Variants in CCSER2 observed in about 807,000 individuals in gnomAD.
CCSER2 encodes coiled-coil serine rich protein 2, also known as serine-rich coiled-coil domain-containing protein 2.
In CCSER2, 46 loss-of-function variants were observed where a neutral mutation model predicts 92.3. The observed-to-expected ratio is 0.50, with a 90% CI of 0.39 to 0.64. CCSER2 has a LOEUF of 0.64. CCSER2 is among the 30% of genes least tolerant of loss of function. The pLI, the probability that CCSER2 is intolerant of heterozygous loss-of-function variation, is 0.00. For missense variants in CCSER2, 1,244 were observed against 1,238.9 expected (o/e 1.00, Z -0.06); for synonymous variants, 433 against 431.4 (o/e 1.00, Z -0.04).
At chr10:84,458,173 T>A (rs945995275) in intron 6 of CCSER2, among the ~76,000 whole-genome samples, 1 of 152,230 alleles carries the variant, frequency 6.6e-6, no homozygotes, top group African/African-American at 2.4e-5. Context: ...TTTTATAGTT[T>A]TAAGTTTGAA....
chr10:84,463,567 G>A (rs1846224095), intron 6 of CCSER2, among the ~76,000 whole-genome samples: 1 of 152,142 alleles, frequency 6.6e-6, no homozygotes, highest in African/African-American at 2.4e-5. Flanking sequence ...CTCAAAACAT[G>A]TCTAAACCAA....
At chr10:84,359,229 A>G (rs1360629394) in intron 1 of CCSER2, among the ~76,000 whole-genome samples, 1 of 152,046 alleles carries the variant, frequency 6.6e-6, no homozygotes, top group African/African-American at 2.4e-5. Context: ...AGTATTTTAT[A>G]CAGTTGTGGA....
intron 1 of CCSER2, among the ~76,000 whole-genome samples, chr10:84,350,577 C>T (rs1258609324): frequency 6.6e-6 from 1 of 152,192 alleles, no homozygotes. Flanking sequence ...ATTTAAGAGT[C>T]TGCACTATCT....
chr10:84,433,565 G>A (rs145115826), intron 5 of CCSER2, among the ~76,000 whole-genome samples: 152 of 152,290 alleles, frequency 1.0e-3, no homozygotes, highest in African/African-American at 3.5e-3. Flanking sequence ...AAGAAGTTCT[G>A]TTGGGAGTGG....
At chr10:84,435,252 G>T (rs1308125016) in intron 5 of CCSER2, among the ~76,000 whole-genome samples, 1 of 152,194 alleles carries the variant, frequency 6.6e-6, no homozygotes, top group Non-Finnish European at 1.5e-5. Flanking sequence ...ACCTAAATCT[G>T]AGGTGAGAGG....
At position 84,371,678 on chromosome 10, in the gene CCSER2, G is replaced by A. The variant is rs1655618483; in HGVS notation, c.626G>A (p.Ser209Asn). The A allele has an allele frequency of 1.9e-6, 3 of 1,613,678 alleles. No individual in the cohort carries two copies. Among genetic ancestry groups the A allele is most frequent in the African/African-American group, 1.3e-5 (1 of 74,924 alleles). ...SGESLAQSPD[S>N]SKSINCEKMV... Reference sequence around the variant, plus strand: ...GAAAGCTTAGCTCAATCCCCAGACAGTAGTAAATCTATTAATTGTGAAAAA... The same window carrying A: ...GAAAGCTTAGCTCAATCCCCAGACAATAGTAAATCTATTAATTGTGAAAAA... Residue 209 changes from serine to asparagine, a missense_variant, in exon 2 of 10, where the codon AGT (serine) becomes AAT (asparagine). By Grantham distance (46) the Ser-to-Asn change is conservative. Transcript: ENST00000372088.
At chr10:84,348,602 A>C (rs958288368) in intron 1 of CCSER2, among the ~76,000 whole-genome samples, 2 of 152,146 alleles carry the variant, frequency 1.3e-5, no homozygotes, top group Non-Finnish European at 2.9e-5. Flanking sequence ...TGTCTCCCTG[A>C]TGGGGCCACT....
Position 84,417,803 on chromosome 10 carries a change from T to C in CCSER2, c.1647T>C (p.Leu549=), listed in dbSNP as rs775986661. The C allele has an allele frequency of 8.8e-6, 14 of 1,594,434 alleles. No homozygotes were observed. The highest frequency in any genetic ancestry group is 1.2e-5 in the Non-Finnish European group (14 of 1,162,288). ...DILNNLESCD[L]EDDDLMLDVD... ...TGAATAATCTTGAATCATGTGACCT[T>C]GAGGATGATGATCTTATGCTTGATG... is the stretch of plus-strand genomic sequence containing the variant. The change falls in exon 4 of 10, where the codon CTT becomes CTC. Residue 549 remains leucine, a synonymous_variant. Coordinates refer to ENST00000372088, the MANE Select transcript of CCSER2 (RefSeq NM_001284240.2).
At chr10:84,380,454 G>C (rs1351270617) in intron 3 of CCSER2, among the ~76,000 whole-genome samples, 2 of 151,942 alleles carry the variant, frequency 1.3e-5, no homozygotes, top group Non-Finnish European at 2.9e-5. Context: ...ACCGTTCATA[G>C]TTTTTGCTTT....
At chr10:84,483,329 G>A (rs778039127) in intron 9 of CCSER2, among the ~76,000 whole-genome samples, 13 of 151,244 alleles carry the variant, frequency 8.6e-5, no homozygotes, top group Non-Finnish European at 1.5e-4. Context: ...GGAGGTGGAG[G>A]TTGTGGTGAG....
At chr10:84,456,429 A>T (rs1845625851) in intron 6 of CCSER2, among the ~76,000 whole-genome samples, 1 of 151,966 alleles carries the variant, frequency 6.6e-6, no homozygotes, top group African/African-American at 2.4e-5. Context: ...GTTTCTGTAT[A>T]TTGCAGAGTT....
intron 1 of CCSER2, among the ~76,000 whole-genome samples, chr10:84,347,849 C>A (rs1276224904): frequency 6.6e-6 from 1 of 151,930 alleles, no homozygotes; most frequent in Non-Finnish European, 1.5e-5. Context: ...CCTCACATCC[C>A]AGACGGGGCG....
At chr10:84,404,715 A>G (rs1402243774) in intron 3 of CCSER2, among the ~76,000 whole-genome samples, 1 of 152,220 alleles carries the variant, frequency 6.6e-6, no homozygotes, top group African/African-American at 2.4e-5. Context: ...GCAATGTTGC[A>G]AGATACAAAA....
At position 84,381,917 on chromosome 10, in the gene CCSER2, C is replaced by CAAAAA. The variant is rs544545707; in HGVS notation, c.1614+8118_1614+8122dup. 5.0e-5 allele frequency among the ~76,000 whole-genome samples: 6 copies of CAAAAA among 120,050 alleles called. 1 individual carries two copies. Among genetic ancestry groups the CAAAAA allele is most frequent in the Non-Finnish European group, 8.6e-5 (5 of 58,352 alleles). 78.8% of individuals were successfully genotyped at this position (120,050 alleles called of 152,430 possible). ...CCTGGGTGACAGAGCAAGGCTTTCT[C>CAAAAA]AAAAAAAAAAAAAAAAAAAAGAACA... On this transcript the variant is annotated intron_variant, in intron 3 of 9. Coordinates refer to ENST00000372088, the MANE Select transcript of CCSER2 (RefSeq NM_001284240.2).
chr10:84,401,578 T>C (rs1390974356), intron 3 of CCSER2, among the ~76,000 whole-genome samples: 1 of 152,164 alleles, frequency 6.6e-6, no homozygotes, highest in Non-Finnish European at 1.5e-5. Flanking sequence ...GTCCACATGG[T>C]TTCACTGGCC....
At chr10:84,379,275 T>C (rs902253822) in intron 3 of CCSER2, among the ~76,000 whole-genome samples, 1 of 152,168 alleles carries the variant, frequency 6.6e-6, no homozygotes, top group African/African-American at 2.4e-5. Context: ...TAACATCTTA[T>C]AGGGACGTCT....
intron 3 of CCSER2, among the ~76,000 whole-genome samples, chr10:84,382,181 G>T (rs1005526083): frequency 1.6e-4 from 25 of 152,118 alleles, no homozygotes; most frequent in African/African-American, 6.0e-4. Context: ...TCTATTTTGG[G>T]AGTGGGCTTG....
chr10:84,377,379 G>C (rs1846393758), intron 3 of CCSER2, among the ~76,000 whole-genome samples: 1 of 152,156 alleles, frequency 6.6e-6, no homozygotes, highest in Non-Finnish European at 1.5e-5. Flanking sequence ...TGTATGGTGT[G>C]AGATAGATGT....
At chr10:84,350,788 T>C (rs2133067198) in intron 1 of CCSER2, among the ~76,000 whole-genome samples, 1 of 152,352 alleles carries the variant, frequency 6.6e-6, no homozygotes, top group South Asian at 2.1e-4. Flanking sequence ...ACCCTACATA[T>C]AGTATCTTAA....
Sources: gnomAD v4.1 joint callset for allele counts (sites outside exome capture counted in the v4.1 genomes callset) on GRCh38, gnomAD v4.1.1 for gene constraint, MANE v1.5 for transcripts, NCBI Gene and HGNC (gene_info 2026-07-23, HGNC 2026-07-21) for gene names.